The following LDLRAD3 variants were observed in gnomAD, a reference collection of about 807,000 sequenced individuals.
The protein encoded by LDLRAD3 is low density lipoprotein receptor class A domain containing 3, also known as low-density lipoprotein receptor class A domain-containing protein 3.
LDLRAD3 carries 20 observed loss-of-function variants against 29.4 expected under a neutral mutation model. The observed-to-expected ratio is 0.68, with a 90% CI of 0.48 to 0.99. The LOEUF (loss-of-function observed/expected upper bound fraction) is 0.99, where lower values mean the gene tolerates loss of function less well. Among genes scored for constraint, LDLRAD3 ranks in the 50% least tolerant of loss-of-function variants. The pLI, the probability that LDLRAD3 is intolerant of heterozygous loss-of-function variation, is 0.00. For synonymous variants in LDLRAD3, 157 were observed against 192.7 expected (o/e 0.81, Z 1.53); for missense variants, 420 against 454.3 (o/e 0.92, Z 0.69).
rs185983806 is a variant in LDLRAD3 at position 35,991,718 on chromosome 11, A to C, written c.47-44385A>C. 3.4e-3 allele frequency among the ~76,000 whole-genome samples: 513 copies of C among 152,340 alleles called. 2 individuals are homozygous for C. Among genetic ancestry groups the C allele is most frequent in the Middle Eastern group, 0.01 (3 of 294 alleles). On this transcript the variant is annotated intron_variant, in intron 1 of 5. Coordinates refer to ENST00000315571, the MANE Select transcript of LDLRAD3 (RefSeq NM_174902.4). ...CTCCCTCGTAAGCTTCTTTGGTTAC[A>C]TGGCTGTTAATAGCTAAATTATTAA... is the stretch of plus-strand genomic sequence containing the variant.
intron 2 of LDLRAD3, among the ~76,000 whole-genome samples, chr11:36,057,850 C>A (rs1383639063): frequency 1.3e-5 from 2 of 152,204 alleles, no homozygotes; most frequent in Non-Finnish European, 2.9e-5. Flanking sequence ...CCTTGCTTAA[C>A]GTGGACTCTG....
At chr11:36,116,242 C>G (rs1306450348) in intron 4 of LDLRAD3, among the ~76,000 whole-genome samples, 2 of 152,228 alleles carry the variant, frequency 1.3e-5, no homozygotes, top group Non-Finnish European at 2.9e-5. Context: ...AATTGAAGAA[C>G]CAGATGGGTT....
chr11:36,153,206 A>G (rs962530938), intron 4 of LDLRAD3, among the ~76,000 whole-genome samples: 20 of 152,070 alleles, frequency 1.3e-4, no homozygotes, highest in African/African-American at 4.6e-4. Context: ...CCATGGGCAT[A>G]GGAACTCTGA....
intron 4 of LDLRAD3, among the ~76,000 whole-genome samples, chr11:36,108,412 G>A (rs1258632267): frequency 2.0e-5 from 3 of 150,890 alleles, no homozygotes; most frequent in Non-Finnish European, 2.9e-5. Context: ...ATTGAAGAAC[G>A]GTAATAGGGA....
At position 36,107,900 on chromosome 11, in the gene LDLRAD3, C is replaced by T. The variant is rs570267921; in HGVS notation, c.454+9439C>T. On this transcript the variant is annotated intron_variant, in intron 4 of 5. Coordinates refer to ENST00000315571, the MANE Select transcript of LDLRAD3 (RefSeq NM_174902.4). Reference sequence around the variant, plus strand: ...GCATTATGCCCAGGAGACAAAGGCACGTACCAAATTTTGTTAAATCTTAAA... The same window carrying T: ...GCATTATGCCCAGGAGACAAAGGCATGTACCAAATTTTGTTAAATCTTAAA... Among the ~76,000 whole-genome samples, 24 of 152,258 alleles carry T rather than the reference C, an allele frequency of 1.6e-4. No homozygotes were observed. In the South Asian group the frequency reaches 2.3e-3, roughly 14 times the overall value.
chr11:35,987,347 T>A (rs1183764803), intron 1 of LDLRAD3, among the ~76,000 whole-genome samples: 3 of 152,198 alleles, frequency 2.0e-5, no homozygotes, highest in Non-Finnish European at 4.4e-5. Context: ...GCATGATTGA[T>A]CCCATCACCC....
chr11:36,035,309 G>A (rs1852289324), intron 1 of LDLRAD3, among the ~76,000 whole-genome samples: 1 of 151,880 alleles, frequency 6.6e-6, no homozygotes, highest in African/African-American at 2.4e-5. Flanking sequence ...CTCCCCCCAG[G>A]GTCTACTGGT....
intron 1 of LDLRAD3, among the ~76,000 whole-genome samples, chr11:35,951,207 C>G (rs1851130470): frequency 6.6e-6 from 1 of 152,108 alleles, no homozygotes; most frequent in Non-Finnish European, 1.5e-5. Context: ...TTTCCCATTT[C>G]TCTCCCCTCC....
intron 1 of LDLRAD3, among the ~76,000 whole-genome samples, chr11:35,947,204 T>C (rs1460718976): frequency 2.0e-5 from 3 of 152,166 alleles, no homozygotes; most frequent in African/African-American, 7.2e-5. Context: ...AATCAAGTAA[T>C]TTCATGTTAA....
chr11:36,082,001 A>G (rs1853123367), intron 3 of LDLRAD3, among the ~76,000 whole-genome samples: 1 of 152,212 alleles, frequency 6.6e-6, no homozygotes, highest in Non-Finnish European at 1.5e-5. Context: ...GGCTTGCTGT[A>G]TTTTCAGTTC....
chr11:36,185,017 A>G (rs773659214), intron 4 of LDLRAD3, among the ~76,000 whole-genome samples: 1 of 152,166 alleles, frequency 6.6e-6, no homozygotes, highest in Non-Finnish European at 1.5e-5. Context: ...TGATGATATT[A>G]AGAATCTTAA....
intron 4 of LDLRAD3, among the ~76,000 whole-genome samples, chr11:36,102,937 C>G (rs552043675): frequency 6.6e-5 from 10 of 152,236 alleles, no homozygotes; most frequent in Non-Finnish European, 1.5e-4. Context: ...CTCATCCCTT[C>G]AAATGTGATT....
intron 4 of LDLRAD3, among the ~76,000 whole-genome samples, chr11:36,118,915 G>T (rs540190638): frequency 7.9e-5 from 12 of 152,212 alleles, no homozygotes; most frequent in African/African-American, 2.6e-4. Flanking sequence ...CTCTTCTAGA[G>T]ATTTTATAGT....
chr11:36,039,693 A>T (rs562511090), intron 2 of LDLRAD3, among the ~76,000 whole-genome samples: 3 of 152,144 alleles, frequency 2.0e-5, no homozygotes, highest in Non-Finnish European at 4.4e-5. Context: ...GCCACATTCT[A>T]TATTGAGGAT....
intron 1 of LDLRAD3, among the ~76,000 whole-genome samples, chr11:35,981,259 A>G (rs1208429072): frequency 6.6e-6 from 1 of 152,076 alleles, no homozygotes; most frequent in African/African-American, 2.4e-5. Context: ...TTTTGTGGTG[A>G]CAACCAGAAC....
intron 4 of LDLRAD3, among the ~76,000 whole-genome samples, chr11:36,173,730 T>C (rs148607583): frequency 1.3e-5 from 2 of 152,172 alleles, no homozygotes; most frequent in Non-Finnish European, 2.9e-5. Flanking sequence ...TCAAATGGTA[T>C]TTCTGGTTCT....
Position 36,029,313 on chromosome 11 carries a change from A to C in LDLRAD3, c.47-6790A>C, listed in dbSNP as rs531759154. On this transcript the variant is annotated intron_variant, in intron 1 of 5. Transcript: ENST00000315571. ...CTGCCATGTGTATGTGTTTCCGTAG[A>C]TGTCAGGTCTTCCCTAGTGAAAAGT... Among the ~76,000 whole-genome samples the C allele has an allele frequency of 3.3e-5, 5 of 152,276 alleles. No homozygotes were observed. The East Asian group carries it at 9.7e-4, about 29-fold the overall frequency.
intron 4 of LDLRAD3, among the ~76,000 whole-genome samples, chr11:36,183,865 A>T (rs984505800): frequency 6.6e-6 from 1 of 151,966 alleles, no homozygotes; most frequent in Non-Finnish European, 1.5e-5. Context: ...ATCTGTGTCT[A>T]ATCTACGGTT....
At chr11:36,153,753 AT>A (rs1256849784) in intron 4 of LDLRAD3, among the ~76,000 whole-genome samples, 1 of 152,070 alleles carries the variant, frequency 6.6e-6, no homozygotes, top group Non-Finnish European at 1.5e-5. Context: ...CTATGTGCAT[AT>A]TTATTTGCTC....
Sources: allele counts gnomAD v4.1 joint callset (sites outside exome capture counted in the v4.1 genomes callset), GRCh38; gene constraint gnomAD v4.1.1; transcripts MANE v1.5; gene names NCBI Gene and HGNC (gene_info 2026-07-23, HGNC 2026-07-21).